Variants in PDE4D observed in about 807,000 individuals in gnomAD.
The protein encoded by PDE4D is 3',5'-cyclic-AMP phosphodiesterase 4D.
PDE4D carries 24 observed loss-of-function variants against 87.4 expected under a neutral mutation model. That is an observed-to-expected ratio of 0.27 (90% confidence interval 0.20 to 0.39). The LOEUF (loss-of-function observed/expected upper bound fraction) is 0.39. Among genes scored for constraint, PDE4D ranks in the 10% least tolerant of loss-of-function variants. PDE4D has a pLI of 1.00. For synonymous variants in PDE4D, 384 were observed against 383.2 expected, an observed-to-expected ratio of 1.00 and a Z score of -0.02; for missense variants, 714 against 1,041.0, an observed-to-expected ratio of 0.69 and a Z score of 4.32.
At chr5:59,092,329 A>T (rs1768893723) in intron 5 of PDE4D, among the ~76,000 whole-genome samples, 1 of 152,204 alleles carries the variant, frequency 6.6e-6, no homozygotes, top group South Asian at 2.1e-4. Context: ...ATTTAACAAA[A>T]GAGTAAGAGT....
chr5:59,465,598 A>G (rs954776816), intron 1 of PDE4D, among the ~76,000 whole-genome samples: 1 of 152,136 alleles, frequency 6.6e-6, no homozygotes, highest in Non-Finnish European at 1.5e-5. Context: ...TCTTCTCATC[A>G]TTATTTACCC....
intron 1 of PDE4D, among the ~76,000 whole-genome samples, chr5:60,379,424 CTT>C (rs1485239138): frequency 1.3e-5 from 2 of 152,218 alleles, no homozygotes; most frequent in African/African-American, 2.4e-5. Context: ...ATAAATAAAA[CTT>C]GGGTGGACAA....
chr5:59,944,755 G>A (rs1303131451), intron 3 of PDE4D, among the ~76,000 whole-genome samples: 1 of 152,120 alleles, frequency 6.6e-6, no homozygotes, highest in East Asian at 1.9e-4. Context: ...ACCCCTCATG[G>A]ACTTGAGGTA....
In PDE4D at chr5:59,394,282, T is replaced by A. The variant is rs563556434; in HGVS notation, c.456-178314A>T. On this transcript the variant is annotated intron_variant, in intron 1 of 14. Coordinates refer to ENST00000340635, the MANE Select transcript of PDE4D (RefSeq NM_001104631.2). The stretch of plus-strand genomic sequence containing the variant: ...GCAGGTTGCTCATCCAGAATCAGTG[T>A]CACTGTCATAGTTTGTGAAAGGGAA... 2.6e-5 allele frequency among the ~76,000 whole-genome samples: 4 copies of A among 152,288 alleles called. No homozygotes were observed. In the South Asian group the frequency reaches 8.3e-4, roughly 32 times the overall value.
intron 1 of PDE4D, among the ~76,000 whole-genome samples, chr5:60,428,308 A>G (rs1444890529): frequency 6.6e-6 from 1 of 152,172 alleles, no homozygotes; most frequent in Admixed American, 6.5e-5. Flanking sequence ...CTAAAAGCCA[A>G]TAGAAAAAAT....
At chr5:60,157,571 A>C (rs1196721740) in intron 2 of PDE4D, among the ~76,000 whole-genome samples, 2 of 152,212 alleles carry the variant, frequency 1.3e-5, no homozygotes, top group East Asian at 3.8e-4. Flanking sequence ...AAGGAGAAAT[A>C]TTTGTAAATA....
chr5:59,840,237 CACA>C (rs1742775211), intron 1 of PDE4D, among the ~76,000 whole-genome samples: 1 of 144,082 alleles, frequency 6.9e-6, no homozygotes, highest in African/African-American at 2.5e-5. Flanking sequence ...TGCACTGCCA[CACA>C]CACACACACA....
At chr5:59,389,141 A>AT (rs1787722449) in intron 1 of PDE4D, among the ~76,000 whole-genome samples, 2 of 152,136 alleles carry the variant, frequency 1.3e-5, no homozygotes, top group South Asian at 4.1e-4. Context: ...ATCTAGTCAA[A>AT]TTTTCAAAGC....
At chr5:59,509,052 A>G (rs1809799277) in intron 1 of PDE4D, among the ~76,000 whole-genome samples, 1 of 151,962 alleles carries the variant, frequency 6.6e-6, no homozygotes, top group South Asian at 2.1e-4. Flanking sequence ...AATAAAAGAC[A>G]CCAACACTCA....
chr5:59,004,140 A>G (rs1337367040), intron 6 of PDE4D, among the ~76,000 whole-genome samples: 1 of 152,160 alleles, frequency 6.6e-6, no homozygotes, highest in Admixed American at 6.5e-5. Context: ...TAGATTTAAA[A>G]AAAAAATCAG....
intron 1 of PDE4D, among the ~76,000 whole-genome samples, chr5:59,269,942 A>G (rs950377989): frequency 3.3e-5 from 5 of 152,216 alleles, no homozygotes; most frequent in Non-Finnish European, 5.9e-5. Context: ...ACAGGACAGT[A>G]GACTTGGCTT....
rs142660743 is a variant in PDE4D, at chr5:59,700,387, C to T, written c.455+192781G>A. 3.3e-4 allele frequency among the ~76,000 whole-genome samples: 50 copies of T among 152,130 alleles called. 1 individual carries two copies. The highest frequency in any genetic ancestry group is 1.9e-3 in the South Asian group (9 of 4,818). On this transcript the variant is annotated intron_variant, in intron 1 of 14. Transcript: ENST00000340635. ...CCACAAAGGTTAAAAAATTAAATAA[C>T]GACATAGGCCTTTTATTACAATCAA...
At chr5:59,923,290 C>T (rs1340272295) in intron 3 of PDE4D, among the ~76,000 whole-genome samples, 2 of 152,210 alleles carry the variant, frequency 1.3e-5, no homozygotes, top group African/African-American at 4.8e-5. Flanking sequence ...ACTTGATGTC[C>T]TGAAGGGACA....
chr5:60,233,562 C>CTT (rs575273409), intron 1 of PDE4D, among the ~76,000 whole-genome samples: 1 of 144,292 alleles, frequency 6.9e-6, no homozygotes. Context: ...CTAACATTTC[C>CTT]TTTTTTTTTT....
At chr5:60,495,386 C>T (rs1316631731) in intron 1 of PDE4D, among the ~76,000 whole-genome samples, 2 of 152,160 alleles carry the variant, frequency 1.3e-5, no homozygotes, top group Admixed American at 1.3e-4. Context: ...TGGTAGATCC[C>T]TGGCTCCCAC....
intron 2 of PDE4D, among the ~76,000 whole-genome samples, chr5:60,141,337 A>G (rs1381642718): frequency 6.7e-6 from 1 of 150,254 alleles, no homozygotes; most frequent in Non-Finnish European, 1.5e-5. Context: ...GGATGCAGAG[A>G]GCAAGCTTTG....
intron 1 of PDE4D, among the ~76,000 whole-genome samples, chr5:59,765,357 C>T (rs1762653089): frequency 6.6e-6 from 1 of 152,144 alleles, no homozygotes; most frequent in East Asian, 1.9e-4. Flanking sequence ...TCTAAGAATT[C>T]AACAATGGCA....
intron 1 of PDE4D, among the ~76,000 whole-genome samples, chr5:59,622,953 G>T (rs1314732516): frequency 1.3e-5 from 2 of 152,046 alleles, no homozygotes; most frequent in Non-Finnish European, 2.9e-5. Context: ...CACCCAGTAA[G>T]AAAACCCTTC....
At chr5:60,445,929 A>G (rs958452465) in intron 1 of PDE4D, among the ~76,000 whole-genome samples, 1 of 152,188 alleles carries the variant, frequency 6.6e-6, no homozygotes, top group East Asian at 1.9e-4. Context: ...AACAACCTAT[A>G]GACACATGGA....
Sources: gnomAD v4.1 joint callset for allele counts (sites outside exome capture counted in the v4.1 genomes callset) on GRCh38, gnomAD v4.1.1 for gene constraint, MANE v1.5 for transcripts, NCBI Gene and HGNC (gene_info 2026-07-23, HGNC 2026-07-21) for gene names.